Variants in MGMT observed in about 807,000 individuals in gnomAD.
MGMT encodes the protein methylated-DNA--protein-cysteine methyltransferase.
MGMT carries 14 observed loss-of-function variants against 15.9 expected under a neutral mutation model. The observed-to-expected ratio is 0.88, with a 90% CI of 0.58 to 1.37. MGMT has a LOEUF of 1.37. Among genes scored for constraint, MGMT ranks in the 40% most tolerant of loss-of-function variants. The pLI is 0.00. For missense variants in MGMT, 282 were observed against 268.1 expected (o/e 1.05, Z -0.36); for synonymous variants, 130 against 118.2 (o/e 1.10, Z -0.65).
chr10:129,474,953 A>T (rs1337235273), intron 1 of MGMT, among the ~76,000 whole-genome samples: 1 of 152,016 alleles, frequency 6.6e-6, no homozygotes, highest in Non-Finnish European at 1.5e-5. Flanking sequence ...TTTTGTAGGT[A>T]CTGGTGAGGG....
intron 2 of MGMT, among the ~76,000 whole-genome samples, chr10:129,642,210 T>TGGGC (rs545069643): frequency 1.3e-4 from 19 of 150,838 alleles, no homozygotes; most frequent in African/African-American, 3.6e-4. Flanking sequence ...ACCCCGCACC[T>TGGGC]GGGCGGGCGG....
intron 2 of MGMT, among the ~76,000 whole-genome samples, chr10:129,564,436 C>G: frequency 1.3e-5 from 1 of 77,954 alleles, no homozygotes; most frequent in African/African-American, 5.5e-5. Flanking sequence ...CCTTCTCTTC[C>G]CCTTCTTCTT....
At chr10:129,599,061 G>A (rs1175926794) in intron 2 of MGMT, among the ~76,000 whole-genome samples, 1 of 152,174 alleles carries the variant, frequency 6.6e-6, no homozygotes, top group East Asian at 1.9e-4. Flanking sequence ...GAGTTTAATT[G>A]AGCAACGAAC....
At chr10:129,593,724 G>A (rs995643523) in intron 2 of MGMT, among the ~76,000 whole-genome samples, 2 of 152,262 alleles carry the variant, frequency 1.3e-5, no homozygotes, top group South Asian at 2.1e-4. Context: ...GGGAAAGTAC[G>A]CCACAGACAC....
chr10:129,539,591 G>T (rs1262762704), intron 2 of MGMT, among the ~76,000 whole-genome samples: 1 of 151,874 alleles, frequency 6.6e-6, no homozygotes. Flanking sequence ...ACTGCAAGCT[G>T]TGCCTCCTGG....
chr10:129,749,566 TA>T (rs1279424053), intron 3 of MGMT, among the ~76,000 whole-genome samples: 5 of 152,232 alleles, frequency 3.3e-5, no homozygotes, highest in African/African-American at 1.2e-4. Context: ...GCAGTGTTAA[TA>T]AAGCTGCTAT....
chr10:129,556,503 C>T lies in MGMT; in HGVS notation c.125+20126C>T, dbSNP rs976444636. Among the ~76,000 whole-genome samples the T allele has an allele frequency of 6.6e-6, 1 of 152,182 alleles. No individual in the cohort carries two copies. The highest frequency in any genetic ancestry group is 1.5e-5 in the Non-Finnish European group (1 of 68,032). On this transcript the variant is annotated intron_variant, in intron 2 of 4. Coordinates refer to ENST00000651593, the MANE Select transcript of MGMT (RefSeq NM_002412.5). This position sits in a 1 kb window ranked among gnomAD's most constrained non-coding sequence, Gnocchi z 4.3. ...ACCTTGGGTTCAGACTTGCAGCACC[C>T]AGGCTGCAGGGCTTCGTCAGGGCAG... is the stretch of plus-strand genomic sequence containing the variant.
chr10:129,597,220 T>C (rs1489573480), intron 2 of MGMT, among the ~76,000 whole-genome samples: 1 of 152,206 alleles, frequency 6.6e-6, no homozygotes, highest in African/African-American at 2.4e-5. Context: ...CAAAGGAACC[T>C]TCTTTACAAA....
intron 1 of MGMT, among the ~76,000 whole-genome samples, chr10:129,524,747 A>G (rs1412687129): frequency 6.6e-6 from 1 of 151,782 alleles, no homozygotes; most frequent in Admixed American, 6.6e-5. Flanking sequence ...GCCTGCCACC[A>G]TGCCCGGCTT....
At position 129,746,619 on chromosome 10, in the gene MGMT, G is replaced by A. The variant is rs185947969; in HGVS notation, c.275-12583G>A. 1.1e-4 allele frequency among the ~76,000 whole-genome samples: 17 copies of A among 152,018 alleles called. No homozygotes were observed. In the East Asian group the frequency reaches 3.3e-3, roughly 29 times the overall value. ...TTGCACCTTTGTCAATAAACATTTG[G>A]TCGTGCTTCAGTAGGTCTATTTTGG... On this transcript the variant is annotated intron_variant, in intron 3 of 4. Coordinates refer to ENST00000651593, the MANE Select transcript of MGMT (RefSeq NM_002412.5).
At chr10:129,545,919 C>T (rs980403761) in intron 2 of MGMT, among the ~76,000 whole-genome samples, 3 of 152,162 alleles carry the variant, frequency 2.0e-5, no homozygotes, top group Admixed American at 6.5e-5. Context: ...GTAGCTCTTG[C>T]GTGCTGATCA....
intron 2 of MGMT, among the ~76,000 whole-genome samples, chr10:129,620,751 G>A (rs371656071): frequency 1.3e-5 from 2 of 152,256 alleles, no homozygotes; most frequent in African/African-American, 4.8e-5. Context: ...TAGTGATCCA[G>A]TATGCAAGTC....
chr10:129,763,738 G>A (rs1848901455), intron 4 of MGMT, among the ~76,000 whole-genome samples: 1 of 152,212 alleles, frequency 6.6e-6, no homozygotes, highest in African/African-American at 2.4e-5. Context: ...TGCCCTCACA[G>A]CAATTATTAA....
At chr10:129,656,354 G>T (rs1049763335) in intron 2 of MGMT, among the ~76,000 whole-genome samples, 13 of 152,196 alleles carry the variant, frequency 8.5e-5, no homozygotes, top group African/African-American at 3.1e-4. Flanking sequence ...CTCCTGGTTG[G>T]GCATCTCCCT....
In MGMT at chr10:129,768,465, C is replaced by T. The variant is rs1315257839; in HGVS notation, c.*1468C>T. On this transcript the variant is annotated 3_prime_UTR_variant, in exon 5 of 5. Coordinates refer to ENST00000651593, the MANE Select transcript of MGMT (RefSeq NM_002412.5). ...GGCAGGCCTCAGGTGCCGCACGCCG[C>T]GTCACCGTCAGGACTCGCAGGCTGT... Among the ~76,000 whole-genome samples, 4 of 152,232 alleles carry T rather than the reference C, an allele frequency of 2.6e-5. No individual in the cohort carries two copies. Among genetic ancestry groups the T allele is most frequent in the African/African-American group, 7.2e-5 (3 of 41,464 alleles).
At chr10:129,562,548 G>T (rs1487264384) in intron 2 of MGMT, among the ~76,000 whole-genome samples, 1 of 152,222 alleles carries the variant, frequency 6.6e-6, no homozygotes, top group Non-Finnish European at 1.5e-5. Flanking sequence ...CATGTGTCAG[G>T]CAGACTGGGT....
chr10:129,635,074 G>A (rs1009617757), intron 2 of MGMT, among the ~76,000 whole-genome samples: 8 of 152,116 alleles, frequency 5.3e-5, no homozygotes, highest in South Asian at 4.2e-4. Flanking sequence ...TTTTCAGCTC[G>A]CCCCGGATGG....
chr10:129,704,464 G>A (rs183823697), intron 2 of MGMT, among the ~76,000 whole-genome samples: 8 of 152,206 alleles, frequency 5.3e-5, no homozygotes, highest in East Asian at 1.9e-4. Context: ...CACTGTCTGC[G>A]TGAGTTCCCT....
intron 2 of MGMT, among the ~76,000 whole-genome samples, chr10:129,562,049 G>T (rs1013600844): frequency 1.3e-5 from 2 of 152,170 alleles, no homozygotes; most frequent in African/African-American, 4.8e-5. Flanking sequence ...CTAGGAAAAT[G>T]TGTGAACAGC....
Sources: gnomAD v4.1 joint callset for allele counts (sites outside exome capture counted in the v4.1 genomes callset) on GRCh38, gnomAD v4.1.1 for gene constraint, Gnocchi (gnomAD v3.1) non-coding constraint, MANE v1.5 for transcripts, NCBI Gene and HGNC (gene_info 2026-07-23, HGNC 2026-07-21) for gene names.